The following RANBP2 variants were observed in gnomAD, a reference collection of about 807,000 sequenced individuals.
RANBP2 encodes the protein E3 SUMO-protein ligase RanBP2.
In RANBP2, 57 loss-of-function variants were observed where a neutral mutation model predicts 303.6. That is an observed-to-expected ratio of 0.19 (90% confidence interval 0.15 to 0.23). RANBP2 has a LOEUF of 0.23. Ranked by LOEUF, RANBP2 falls within the 10% of genes least tolerant of loss-of-function variation. The pLI is 1.00. For missense variants in RANBP2, 3,138 were observed against 3,780.8 expected (o/e 0.83, Z 4.46); for synonymous variants, 1,167 against 1,301.5 (o/e 0.90, Z 2.23).
chr2:109,025,783 G>A, the RANBP2 span, among the ~76,000 whole-genome samples: 9 of 150,472 alleles, frequency 6.0e-5, no homozygotes, highest in African/African-American at 2.2e-4. Flanking sequence ...GGGCAACAGA[G>A]CGAGACTCCG....
At chr2:109,256,201 A>G in the RANBP2 span, among the ~76,000 whole-genome samples, 4 of 152,132 alleles carry the variant, frequency 2.6e-5, no homozygotes, top group South Asian at 8.3e-4. Context: ...AGTGGAGGTG[A>G]AAGGTAGACA....
At chr2:108,925,125 T>C in the RANBP2 span, among the ~76,000 whole-genome samples, 3 of 150,466 alleles carry the variant, frequency 2.0e-5, no homozygotes, top group East Asian at 6.0e-4. Context: ...AGGGCAAGCC[T>C]TGTTCACGTC....
chr2:108,897,267 C>T, the RANBP2 span: 1 of 1,570,834 alleles, frequency 6.4e-7, no homozygotes. Flanking sequence ...TGTTGCAAGT[C>T]ACAGTCAATA....
At chr2:109,228,644 C>T in the RANBP2 span, among the ~76,000 whole-genome samples, 1 of 152,072 alleles carries the variant, frequency 6.6e-6, no homozygotes, top group Non-Finnish European at 1.5e-5. Flanking sequence ...TTCTGTGTGG[C>T]GTGGCTGCAA....
At chr2:109,362,501 A>T in the RANBP2 span, among the ~76,000 whole-genome samples, 1 of 152,126 alleles carries the variant, frequency 6.6e-6, no homozygotes, top group South Asian at 2.1e-4. Context: ...TGTCCTGGTG[A>T]ATGTTCCCTG....
the RANBP2 span, among the ~76,000 whole-genome samples, chr2:109,239,075 A>G: frequency 1.3e-5 from 2 of 152,222 alleles, no homozygotes; most frequent in Admixed American, 1.3e-4. Context: ...CCAAATGTCA[A>G]GATGGTTGTA....
chr2:109,194,501 G>T, the RANBP2 span, among the ~76,000 whole-genome samples: 1 of 152,236 alleles, frequency 6.6e-6, no homozygotes, highest in African/African-American at 2.4e-5. Flanking sequence ...GGTGGGTGGT[G>T]CGCATCTGAG....
chr2:109,079,954 G>C, the RANBP2 span, among the ~76,000 whole-genome samples: 1 of 152,240 alleles, frequency 6.6e-6, no homozygotes, highest in Non-Finnish European at 1.5e-5. Context: ...CCCTGTGCCT[G>C]CTGAGGCATG....
chr2:109,034,689 T>G, the RANBP2 span, among the ~76,000 whole-genome samples: 1 of 152,302 alleles, frequency 6.6e-6, no homozygotes, highest in South Asian at 2.1e-4. Context: ...GCAAATAGTT[T>G]GTTCTGAGTT....
At chr2:108,860,935 C>CTGTTTTTTTTTTT in the RANBP2 span, among the ~76,000 whole-genome samples, 2 of 37,932 alleles carry the variant, frequency 5.3e-5, no homozygotes, top group Non-Finnish European at 8.9e-5. Context: ...TGGTCCAGGA[C>CTGTTTTTTTTTTT]TTTTTTTTTT....
chr2:109,432,580 G>C, the RANBP2 span: 1 of 1,613,572 alleles, frequency 6.2e-7, no homozygotes, highest in Non-Finnish European at 8.5e-7. Context: ...CCGGGTCCTC[G>C]AGAAGTGTCA....
the RANBP2 span, among the ~76,000 whole-genome samples, chr2:108,809,928 C>T: frequency 6.6e-6 from 1 of 152,166 alleles, no homozygotes; most frequent in Non-Finnish European, 1.5e-5. Flanking sequence ...GCCTCAGCCT[C>T]CTGAGTAGCT....
Position 108,749,049 on chromosome 2 carries a change from C to T in RANBP2, c.1193C>T (p.Thr398Ile), listed in dbSNP as rs1675627801. ...TTTTCTAGTCAGTCACCTAAGGATA[C>T]ATCTTTTCTTGGTAGCGATGATATT... ...ALFSSQSPKDTSFLGSDDIGN... is the reference protein window; with the variant it reads ...ALFSSQSPKDISFLGSDDIGN... The change falls in exon 9 of 29, where the codon ACA becomes ATA. Residue 398 changes from threonine (T) to isoleucine (I), a missense_variant. Coordinates refer to ENST00000283195, the MANE Select transcript of RANBP2 (RefSeq NM_006267.5). 6.2e-7 allele frequency: 1 copy of T among 1,611,836 alleles called. No homozygotes were observed. The highest frequency in any genetic ancestry group is 8.5e-7 in the Non-Finnish European group (1 of 1,179,872).
chr2:108,923,471 G>A, the RANBP2 span: 1 of 1,612,040 alleles, frequency 6.2e-7, no homozygotes. Context: ...GGAGAGACAA[G>A]ACAAAACAGA....
chr2:109,538,952 T>A, the RANBP2 span, among the ~76,000 whole-genome samples: 1 of 152,162 alleles, frequency 6.6e-6, no homozygotes, highest in Non-Finnish European at 1.5e-5. Context: ...GTGATAATAC[T>A]TTTTTGTTTT....
the RANBP2 span, among the ~76,000 whole-genome samples, chr2:109,707,768 C>G: frequency 1.3e-5 from 2 of 152,228 alleles, no homozygotes; most frequent in Non-Finnish European, 2.9e-5. Context: ...GTTCAGAGCT[C>G]TTTAGTCTCA....
the RANBP2 span, among the ~76,000 whole-genome samples, chr2:109,724,243 C>T: frequency 6.6e-6 from 1 of 152,078 alleles, no homozygotes; most frequent in Non-Finnish European, 1.5e-5. Context: ...ATTGTCTTGG[C>T]TTCTCAGGCT....
the RANBP2 span, among the ~76,000 whole-genome samples, chr2:108,816,747 G>A: frequency 1.3e-5 from 2 of 152,156 alleles, no homozygotes; most frequent in African/African-American, 2.4e-5. Context: ...CTAGGCTGGA[G>A]TGCAGTGGCC....
At chr2:109,076,978 C>T in the RANBP2 span, among the ~76,000 whole-genome samples, 1 of 150,286 alleles carries the variant, frequency 6.7e-6, no homozygotes, top group Non-Finnish European at 1.5e-5. Context: ...CATTGCACTC[C>T]CTGATTTCAA....
Sources: gnomAD v4.1 joint callset for allele counts (sites outside exome capture counted in the v4.1 genomes callset) on GRCh38, gnomAD v4.1.1 for gene constraint, MANE v1.5 for transcripts, NCBI Gene and HGNC (gene_info 2026-07-23, HGNC 2026-07-21) for gene names.